Variants in PRKG1 observed in about 807,000 individuals in gnomAD.
PRKG1 encodes cGMP-dependent protein kinase 1.
A neutral mutation model predicts 88.1 loss-of-function variants in PRKG1; 35 were observed. The ratio of observed to expected loss-of-function variants is 0.40; its 90% CI spans 0.30 to 0.53. The LOEUF (loss-of-function observed/expected upper bound fraction) is 0.53, where lower values mean the gene tolerates loss of function less well. Among genes scored for constraint, PRKG1 ranks in the 20% least tolerant of loss-of-function variants. The pLI, the probability that PRKG1 is intolerant of heterozygous loss-of-function variation, is 0.59. For missense variants in PRKG1, 540 were observed against 839.8 expected, an observed-to-expected ratio of 0.64 and a Z score of 4.41; for synonymous variants, 303 against 292.5, an observed-to-expected ratio of 1.04 and a Z score of -0.37.
chr10:51,835,387 C>T (rs1170363961), intron 4 of PRKG1, among the ~76,000 whole-genome samples: 3 of 152,112 alleles, frequency 2.0e-5, no homozygotes, highest in Non-Finnish European at 4.4e-5. Flanking sequence ...CAGATGCTGG[C>T]CATTTAAATG....
chr10:52,271,558 C>A, intron 11 of PRKG1, 69 bp downstream of exon 11: 1 of 1,525,924 alleles, frequency 6.6e-7, no homozygotes, highest in African/African-American at 1.4e-5. Flanking sequence ...AACCCTCTGC[C>A]ACTTGTGCTC....
intron 8 of PRKG1, among the ~76,000 whole-genome samples, chr10:52,154,029 G>A (rs893012423): frequency 8.5e-5 from 13 of 152,072 alleles, no homozygotes; most frequent in Non-Finnish European, 1.6e-4. Flanking sequence ...GCAGGCGTGA[G>A]CCACTGTGCC....
chr10:52,258,614 A>C (rs556639981), intron 10 of PRKG1, among the ~76,000 whole-genome samples: 1 of 152,198 alleles, frequency 6.6e-6, no homozygotes, highest in East Asian at 1.9e-4. Flanking sequence ...GAAGCTTAAT[A>C]ATGGGTACAT....
intron 4 of PRKG1, among the ~76,000 whole-genome samples, chr10:51,890,124 G>A (rs1017050047): frequency 1.3e-5 from 2 of 152,138 alleles, no homozygotes; most frequent in Non-Finnish European, 2.9e-5. Context: ...TAGACATGAA[G>A]TCCTTGCCCA....
At chr10:50,992,692 A>T (rs1307069714) in intron 1 of PRKG1, among the ~76,000 whole-genome samples, 1 of 152,128 alleles carries the variant, frequency 6.6e-6, no homozygotes, top group African/African-American at 2.4e-5. Flanking sequence ...GGCCACAAGT[A>T]GGAAGCTTTT....
At chr10:52,093,815 T>A (rs1220089110) in intron 7 of PRKG1, among the ~76,000 whole-genome samples, 1 of 152,180 alleles carries the variant, frequency 6.6e-6, no homozygotes, top group Non-Finnish European at 1.5e-5. Context: ...GGAAGAGCTG[T>A]AGTAGAGTGG....
At chr10:51,115,260 G>A (rs535957435) in intron 1 of PRKG1, among the ~76,000 whole-genome samples, 2 of 139,102 alleles carry the variant, frequency 1.4e-5, no homozygotes, top group Non-Finnish European at 3.1e-5. Context: ...GTTGCAGTGA[G>A]CTGAGATCAG....
Position 51,147,151 on chromosome 10 carries a change from G to T in PRKG1, c.312-6013G>T, listed in dbSNP as rs1376068603. 2.6e-5 allele frequency among the ~76,000 whole-genome samples: 4 copies of T among 152,134 alleles called. No homozygotes were observed. In the East Asian group the frequency reaches 7.7e-4, roughly 29 times the overall value. ...CTGCAAAGAGTAGGGATGAGGGAAA[G>T]ATACTGAAGGGTTGGTTAATGGATA... On this transcript the variant is annotated intron_variant, in intron 1 of 17. Coordinates refer to ENST00000373980, the MANE Select transcript of PRKG1 (RefSeq NM_006258.4).
At chr10:51,107,104 T>A (rs1421135931) in intron 1 of PRKG1, among the ~76,000 whole-genome samples, 2 of 152,128 alleles carry the variant, frequency 1.3e-5, no homozygotes, top group Non-Finnish European at 2.9e-5. Flanking sequence ...GAGATTGTAC[T>A]TATTAAAAGG....
chr10:51,102,319 T>G (rs74131729), intron 1 of PRKG1, among the ~76,000 whole-genome samples: 4,456 of 152,276 alleles, frequency 0.029, 170 homozygotes, highest in African/African-American at 0.084. Context: ...TTTAACAACC[T>G]GCTCTTGTGA....
At chr10:51,290,261 A>G (rs954250546) in intron 2 of PRKG1, among the ~76,000 whole-genome samples, 1 of 152,112 alleles carries the variant, frequency 6.6e-6, no homozygotes, top group Admixed American at 6.6e-5. Flanking sequence ...AAAAAAAAAG[A>G]CGAGTAACAA....
At chr10:52,071,179 G>A (rs146933489) in intron 7 of PRKG1, among the ~76,000 whole-genome samples, 104 of 151,950 alleles carry the variant, frequency 6.8e-4, no homozygotes, top group African/African-American at 2.3e-3. Flanking sequence ...AGGTACATGT[G>A]CAGGTTTGTT....
At chr10:51,247,696 A>C (rs573838962) in intron 2 of PRKG1, among the ~76,000 whole-genome samples, 18 of 151,972 alleles carry the variant, frequency 1.2e-4, no homozygotes, top group Non-Finnish European at 2.5e-4. Context: ...TGATACATCA[A>C]TGAATGAGCA....
intron 3 of PRKG1, among the ~76,000 whole-genome samples, chr10:51,514,594 A>C (rs1841523460): frequency 6.6e-6 from 1 of 152,242 alleles, no homozygotes; most frequent in Non-Finnish European, 1.5e-5. Flanking sequence ...ACTTGAAGTC[A>C]GTCTGAATCT....
At chr10:51,017,584 A>G (rs1189861099) in intron 1 of PRKG1, among the ~76,000 whole-genome samples, 1 of 152,170 alleles carries the variant, frequency 6.6e-6, no homozygotes, top group Non-Finnish European at 1.5e-5. Context: ...CAAAGAGTTT[A>G]CCTTCTAGTC....
At chr10:51,716,443 G>C (rs915322168) in intron 3 of PRKG1, among the ~76,000 whole-genome samples, 2 of 152,108 alleles carry the variant, frequency 1.3e-5, no homozygotes, top group African/African-American at 4.8e-5. Flanking sequence ...AGTACCTGGT[G>C]TTCTGGGACC....
chr10:51,651,564 C>T (rs1270622501), intron 3 of PRKG1, among the ~76,000 whole-genome samples: 4 of 149,472 alleles, frequency 2.7e-5, no homozygotes, highest in African/African-American at 7.3e-5. Context: ...ATGATTGGCA[C>T]AAAAATTTTA....
intron 4 of PRKG1, among the ~76,000 whole-genome samples, chr10:51,839,240 A>G (rs1444663217): frequency 6.6e-6 from 1 of 152,216 alleles, no homozygotes; most frequent in African/African-American, 2.4e-5. Flanking sequence ...TATTAAGTGC[A>G]TATTTGTTAC....
intron 9 of PRKG1, among the ~76,000 whole-genome samples, chr10:52,213,138 G>T (rs970880965): frequency 1.3e-5 from 2 of 151,860 alleles, no homozygotes; most frequent in Non-Finnish European, 2.9e-5. Flanking sequence ...AGAAATAGAA[G>T]TTTAGTCCTG....
Sources: gnomAD v4.1 joint callset for allele counts (sites outside exome capture counted in the v4.1 genomes callset) on GRCh38, gnomAD v4.1.1 for gene constraint, MANE v1.5 for transcripts, NCBI Gene and HGNC (gene_info 2026-07-23, HGNC 2026-07-21) for gene names.